XIAP: variants seen among roughly 807,000 people sequenced by gnomAD.
XIAP encodes the protein X-linked inhibitor of apoptosis, also known as E3 ubiquitin-protein ligase XIAP.
XIAP carries 3 observed loss-of-function variants against 33.1 expected under a neutral mutation model. That is an observed-to-expected ratio of 0.09 (90% CI 0.04 to 0.23). The LOEUF (loss-of-function observed/expected upper bound fraction) is 0.23. Ranked by LOEUF, XIAP falls within the 10% of genes least tolerant of loss-of-function variation. The probability of loss-of-function intolerance (pLI) is 1.00; values close to 1 mark genes in which losing one functional copy is unlikely to be tolerated. For missense variants in XIAP, 264 were observed against 363.0 expected, an observed-to-expected ratio of 0.73 and a Z score of 2.22; for synonymous variants, 98 against 121.3, an observed-to-expected ratio of 0.81 and a Z score of 1.26.
intron 1 of XIAP, among the ~76,000 whole-genome samples, chrX:123,866,550 TAATG>T (rs1199135173): frequency 9.9e-6 from 1 of 100,779 alleles, no homozygotes; most frequent in Non-Finnish European, 2.0e-5. Context: ...ATGTATATAA[TAATG>T]TATGATATAT....
chrX:123,875,094 C>T (rs1371035124), intron 1 of XIAP, among the ~76,000 whole-genome samples: 1 of 103,197 alleles, frequency 9.7e-6, no homozygotes, highest in Non-Finnish European at 2.0e-5. Flanking sequence ...ACAATCTCAG[C>T]TTACTGCAAC....
At position 123,860,089 on chromosome X, in the gene XIAP, T is replaced by C. The variant is rs1281376265; in HGVS notation, c.-237T>C. 1 of 328,046 alleles carries C rather than the reference T, an allele frequency of 3.0e-6. No homozygotes were observed. Among genetic ancestry groups the C allele is most frequent in the Non-Finnish European group, 5.9e-6 (1 of 169,635 alleles). 27.0% of individuals were successfully genotyped at this position (328,046 alleles called of 1,213,427 possible). Reference sequence around the variant, plus strand: ...GTGGACACACTTCGGGTTTCACGACTCCGGGTTTCTCCAGGGGATGGGCCG... The same window carrying C: ...GTGGACACACTTCGGGTTTCACGACCCCGGGTTTCTCCAGGGGATGGGCCG... On this transcript the variant is annotated 5_prime_UTR_variant, in exon 1 of 7. Coordinates refer to ENST00000371199, the MANE Select transcript of XIAP (RefSeq NM_001167.4).
In XIAP at chrX:123,899,144, AAT is replaced by A. The variant is rs1175980983; in HGVS notation, c.1100-1328_1100-1327del. Among the ~76,000 whole-genome samples, 74 of 50,147 alleles carry A rather than the reference AAT, an allele frequency of 1.5e-3. 6 individuals are homozygous for A. Among genetic ancestry groups the A allele is most frequent in the African/African-American group, 6.0e-3 (71 of 11,829 alleles). 43.5% of individuals were successfully genotyped at this position (50,147 alleles called of 115,157 possible). A position where few individuals can be genotyped will look rare whatever the true frequency, so the allele number is the denominator to read the frequency against. ...CAAAAAAAAAAAAAAAAAAAAAAAA[AAT>A]ATATATATATATATATATATGATTT... On this transcript the variant is annotated intron_variant, in intron 5 of 6. Coordinates refer to ENST00000371199, the MANE Select transcript of XIAP (RefSeq NM_001167.4).
In XIAP at chrX:123,860,135, G is replaced by C. The variant is rs1196527387; in HGVS notation, c.-191G>C. On this transcript the variant is annotated 5_prime_UTR_variant, in exon 1 of 7. Transcript: ENST00000371199. ...GGCCGGCCGGTAGAGGCGCGTGAGG[G>C]AGACGAAGGGACTTCCGTTTCCTTC... 2 of 328,215 alleles carry C rather than the reference G, an allele frequency of 6.1e-6. No individual in the cohort carries two copies. The highest frequency in any genetic ancestry group is 3.1e-5 in the Admixed American group (1 of 32,102). 27.0% of individuals were successfully genotyped at this position (328,215 alleles called of 1,213,427 possible).
At chrX:123,864,455 GTTTTTTT>G (rs1162636021) in intron 1 of XIAP, among the ~76,000 whole-genome samples, 35 of 49,590 alleles carry the variant, frequency 7.1e-4, no homozygotes, top group Non-Finnish European at 1.0e-3. Flanking sequence ...CCTTTCTTCT[GTTTTTTT>G]TTTTTTTTTT....
intron 6 of XIAP, among the ~76,000 whole-genome samples, chrX:123,903,630 TGTTTTGTTTTTTG>T (rs199898879): frequency 0.2 from 18,181 of 90,385 alleles, 1,620 homozygotes; most frequent in South Asian, 0.38. Flanking sequence ...TTTTTTTTTT[TGTTTTGTTTTTTG>T]TTTTTTTTAG....
rs1426805834 is a variant in XIAP at position 123,910,536 on chromosome X, A to G, written c.*3355A>G. 1 of 329,249 alleles carries G rather than the reference A, an allele frequency of 3.0e-6. No individual in the cohort carries two copies. The highest frequency in any genetic ancestry group is 5.9e-6 in the Non-Finnish European group (1 of 169,979). The allele number at this position is 329,249 out of a possible 1,213,427, so 27.1% of individuals were successfully genotyped here. A position where few individuals can be genotyped will look rare whatever the true frequency, so the allele number is the denominator to read the frequency against. Reference sequence around the variant, plus strand: ...AAAGGGGCTAGTATATCAGTAGGATATACTATGGGATGTATATATATCATT... The same window carrying G: ...AAAGGGGCTAGTATATCAGTAGGATGTACTATGGGATGTATATATATCATT... On this transcript the variant is annotated 3_prime_UTR_variant, in exon 7 of 7. Coordinates refer to ENST00000371199, the MANE Select transcript of XIAP (RefSeq NM_001167.4).
rs1409707537 is a variant in XIAP at position 123,911,206 on chromosome X, G to A, written c.*4025G>A. 1.2e-5 allele frequency: 4 copies of A among 323,578 alleles called. No individual in the cohort carries two copies. The highest frequency in any genetic ancestry group is 9.7e-5 in the East Asian group (1 of 10,280). 26.7% of individuals were successfully genotyped at this position (323,578 alleles called of 1,213,427 possible). On this transcript the variant is annotated 3_prime_UTR_variant, in exon 7 of 7. Coordinates refer to ENST00000371199, the MANE Select transcript of XIAP (RefSeq NM_001167.4). ...GATAAGATATAAATCAGCTGGGCGC[G>A]GTGGCTCATGCCTGTAATCCCAGCA... is the stretch of plus-strand genomic sequence containing the variant.
intron 6 of XIAP, among the ~76,000 whole-genome samples, chrX:123,903,210 C>T (rs1304498955): frequency 1.3e-4 from 9 of 69,660 alleles, no homozygotes; most frequent in African/African-American, 2.4e-4. Context: ...TTTTTGGAGA[C>T]GGAGTTTCAC....
chrX:123,881,110 C>T (rs1014560461), intron 1 of XIAP, among the ~76,000 whole-genome samples: 2 of 110,874 alleles, frequency 1.8e-5, no homozygotes, highest in Admixed American at 9.8e-5. Context: ...ATACCAAAAG[C>T]TTTCTTTGAC....
intron 6 of XIAP, among the ~76,000 whole-genome samples, chrX:123,904,996 A>G (rs927371890): frequency 8.9e-6 from 1 of 111,830 alleles, no homozygotes; most frequent in African/African-American, 3.2e-5. Context: ...CAAGCTTCTT[A>G]AGGGTAAGTG....
chrX:123,908,356 A>G lies in XIAP; in HGVS notation c.*1175A>G, dbSNP rs769990440. 3 of 371,993 alleles carry G rather than the reference A, an allele frequency of 8.1e-6. No individual in the cohort carries two copies. The highest frequency in any genetic ancestry group is 2.6e-5 in the South Asian group (1 of 38,294). The allele number at this position is 371,993 out of a possible 1,213,427, so 30.7% of individuals were successfully genotyped here. A position where few individuals can be genotyped will look rare whatever the true frequency, so the allele number is the denominator to read the frequency against. On this transcript the variant is annotated 3_prime_UTR_variant, in exon 7 of 7. Coordinates refer to ENST00000371199, the MANE Select transcript of XIAP (RefSeq NM_001167.4). ...TATAAAATATGTCTCAGATCTTCCAATTAATTAGTAAGGATTCATCCTTAA... is the reference window on the plus strand; with the variant it reads ...TATAAAATATGTCTCAGATCTTCCAGTTAATTAGTAAGGATTCATCCTTAA...
intron 1 of XIAP, among the ~76,000 whole-genome samples, chrX:123,883,110 C>T (rs1441342649): frequency 1.1e-5 from 1 of 93,773 alleles, no homozygotes; most frequent in Non-Finnish European, 2.1e-5. Context: ...TGAGATGGAG[C>T]CTCGCTCTGT....
At position 123,910,226 on chromosome X, in the gene XIAP, A is replaced by C. The variant is rs1278435737; in HGVS notation, c.*3045A>C. On this transcript the variant is annotated 3_prime_UTR_variant, in exon 7 of 7. Coordinates refer to ENST00000371199, the MANE Select transcript of XIAP (RefSeq NM_001167.4). ...AGCTTTATATTGCCTTTCCTGCTAC[A>C]TTTGGTTTTTTCCCCTGTCCCTTTG... 9.2e-6 allele frequency: 3 copies of C among 327,809 alleles called. No individual in the cohort carries two copies. The highest frequency in any genetic ancestry group is 1.8e-5 in the Non-Finnish European group (3 of 169,729). The allele number at this position is 327,809 out of a possible 1,213,427, so 27.0% of individuals were successfully genotyped here.
At chrX:123,896,927 ATTTTT>A (rs55979065) in intron 5 of XIAP, among the ~76,000 whole-genome samples, 2 of 75,289 alleles carry the variant, frequency 2.7e-5, no homozygotes, top group African/African-American at 5.1e-5. Flanking sequence ...AACGTCTTTA[ATTTTT>A]TTTTTTTTTT....
chrX:123,905,498 TGCACACACAC>T (rs1261644762), intron 6 of XIAP, among the ~76,000 whole-genome samples: 2 of 111,755 alleles, frequency 1.8e-5, no homozygotes, highest in Non-Finnish European at 3.8e-5. Flanking sequence ...TATGCATGCA[TGCACACACAC>T]GCACACACAC....
intron 1 of XIAP, among the ~76,000 whole-genome samples, chrX:123,876,980 C>T (rs1049703042): frequency 1.1e-4 from 12 of 110,553 alleles, no homozygotes; most frequent in Admixed American, 6.9e-4. Flanking sequence ...ACACAAAACA[C>T]AGGGAATGCT....
chrX:123,894,980 A>ATAAG (rs2053446857), intron 5 of XIAP, among the ~76,000 whole-genome samples: 1 of 110,174 alleles, frequency 9.1e-6, no homozygotes, highest in Non-Finnish European at 1.9e-5. Flanking sequence ...AAATAAATAA[A>ATAAG]TAAATAAATA....
rs1180007167 is a variant in XIAP, at chrX:123,911,707, T to C, written c.*4526T>C. ...TAAATAGGTCAAACCCTTAAAAATA[T>C]TTAAATTCTTAAAAAATTGAAAAGA... On this transcript the variant is annotated 3_prime_UTR_variant, in exon 7 of 7. Coordinates refer to ENST00000371199, the MANE Select transcript of XIAP (RefSeq NM_001167.4). 3.0e-6 allele frequency: 1 copy of C among 328,404 alleles called. No individual in the cohort carries two copies. The highest frequency in any genetic ancestry group is 2.6e-5 in the South Asian group (1 of 38,180). 27.1% of individuals were successfully genotyped at this position (328,404 alleles called of 1,213,427 possible).
Sources: gnomAD v4.1 joint callset for allele counts (sites outside exome capture counted in the v4.1 genomes callset) on GRCh38, gnomAD v4.1.1 for gene constraint, MANE v1.5 for transcripts, NCBI Gene and HGNC (gene_info 2026-07-23, HGNC 2026-07-21) for gene names.